The following BTBD16 variants were observed in gnomAD, a reference collection of about 807,000 sequenced individuals.
BTBD16 encodes the protein BTB/POZ domain-containing protein 16.
Under a neutral mutation model 67.4 loss-of-function variants are expected in BTBD16, and 66 were observed. The observed-to-expected ratio is 0.98, with a 90% CI of 0.80 to 1.20. The LOEUF (loss-of-function observed/expected upper bound fraction) is 1.20. Ranked by LOEUF, BTBD16 falls within the 50% of genes most tolerant of loss-of-function variation. BTBD16 has a pLI of 0.00. For synonymous variants in BTBD16, 242 were observed against 236.4 expected (o/e 1.02, Z -0.22); for missense variants, 634 against 616.0 (o/e 1.03, Z -0.31).
rs755538728 is a variant in BTBD16, at chr10:122,336,579, A to C, written c.1349A>C (p.Tyr450Ser). 1 of 1,613,236 alleles carries C rather than the reference A, an allele frequency of 6.2e-7. No homozygotes were observed. Among genetic ancestry groups the C allele is most frequent in the Non-Finnish European group, 8.5e-7 (1 of 1,179,838 alleles). The stretch of plus-strand genomic sequence containing the variant: ...CTGCGAGCGGCACGCCTGGTGAAGT[A>C]TGAGATCAGAGCAGAGGCCCTGGTT... ...VSLRAARLVK[Y>S]EIRAEALVDG... is the part of the protein sequence containing the mutation. Residue 450 changes from tyrosine to serine, a missense_variant, in exon 15 of 16, where the codon TAT (tyrosine) becomes TCT (serine). Physicochemically the swap from Tyr to Ser is moderately radical, Grantham distance 144. Transcript: ENST00000260723.
intron 5 of BTBD16, among the ~76,000 whole-genome samples, chr10:122,287,127 G>T (rs539234307): frequency 2.6e-5 from 4 of 152,324 alleles, no homozygotes; most frequent in East Asian, 3.9e-4. Flanking sequence ...GCCCTTCCCC[G>T]CTGTGCAGGC....
chr10:122,307,331 G>T, intron 10 of BTBD16, 23 bp downstream of exon 10: 2 of 1,578,780 alleles, frequency 1.3e-6, no homozygotes, highest in Non-Finnish European at 1.7e-6. Flanking sequence ...AGTGTTGATT[G>T]ATGAAATACA....
At chr10:122,272,397 A>G (rs368963530) in intron 1 of BTBD16, among the ~76,000 whole-genome samples, 5 of 152,270 alleles carry the variant, frequency 3.3e-5, no homozygotes, top group East Asian at 3.9e-4. Context: ...GCTGGAGTGC[A>G]ATGGTGAGAG....
intron 9 of BTBD16, among the ~76,000 whole-genome samples, chr10:122,305,959 T>A (rs1369259511): frequency 6.6e-6 from 1 of 152,228 alleles, no homozygotes; most frequent in Non-Finnish European, 1.5e-5. Context: ...ATGGTGTATA[T>A]GTACCATGGT....
At chr10:122,337,762 A>G (rs2096465554) in intron 15 of BTBD16, among the ~76,000 whole-genome samples, 1 of 152,196 alleles carries the variant, frequency 6.6e-6, no homozygotes, top group Non-Finnish European at 1.5e-5. Context: ...GTTCAGGGTG[A>G]TGGTTACACA....
intron 1 of BTBD16, among the ~76,000 whole-genome samples, chr10:122,273,221 G>GATATATAT (rs71715395): frequency 0.012 from 1,583 of 129,406 alleles, 30 homozygotes; most frequent in African/African-American, 0.037. Flanking sequence ...GCAACACAAA[G>GATATATAT]ATATATATAT....
chr10:122,331,198 G>C lies in BTBD16; in HGVS notation c.1026G>C (p.Arg342=), dbSNP rs376082353. Residue 342 remains arginine, a synonymous_variant, in exon 12 of 16, where the codon CGG becomes CGC. Transcript: ENST00000260723. The stretch of plus-strand genomic sequence containing the variant: ...CAGGCAAGGATCTGGAGGTGCTGCG[G>C]CACCTTAACTTCTTCCCAGAGTCAT... ...ITKGKDLEVL[R]HLNFFPESWL... The C allele has an allele frequency of 1.9e-6, 3 of 1,612,858 alleles. No individual in the cohort carries two copies. The South Asian group carries it at 3.3e-5, about 18-fold the overall frequency.
At chr10:122,319,075 C>T (rs1312240774) in intron 10 of BTBD16, among the ~76,000 whole-genome samples, 8 of 152,182 alleles carry the variant, frequency 5.3e-5, no homozygotes, top group African/African-American at 1.4e-4. Context: ...TTTTTAAAAC[C>T]GGGTTGTTTT....
chr10:122,309,444 A>T (rs2096409634), intron 10 of BTBD16, among the ~76,000 whole-genome samples: 1 of 151,684 alleles, frequency 6.6e-6, no homozygotes, highest in Non-Finnish European at 1.5e-5. Context: ...TCCCAGGTTC[A>T]AGCAATTCTC....
chr10:122,285,010 T>C (rs2096360833), intron 4 of BTBD16, among the ~76,000 whole-genome samples: 1 of 152,116 alleles, frequency 6.6e-6, no homozygotes, highest in African/African-American at 2.4e-5. Flanking sequence ...AATGTAATAT[T>C]TGAGATGCAA....
intron 3 of BTBD16, among the ~76,000 whole-genome samples, chr10:122,279,399 A>G (rs1481531389): frequency 1.3e-5 from 2 of 151,834 alleles, no homozygotes; most frequent in Non-Finnish European, 2.9e-5. Context: ...GGATCACTTG[A>G]GCCAAGGAGA....
chr10:122,286,324 T>C, intron 5 of BTBD16, 76 bp downstream of exon 5: 1 of 1,517,808 alleles, frequency 6.6e-7, no homozygotes, highest in Non-Finnish European at 8.8e-7. Context: ...AACATGGTTA[T>C]CTGTTTTGAG....
chr10:122,286,300 C>G, intron 5 of BTBD16, 52 bp downstream of exon 5: 1 of 1,548,404 alleles, frequency 6.5e-7, no homozygotes, highest in Non-Finnish European at 8.7e-7. Context: ...TCTAGCTTGA[C>G]GGTCCCAGCT....
At chr10:122,317,654 C>T in intron 10 of BTBD16, among the ~76,000 whole-genome samples, 1 of 108,480 alleles carries the variant, frequency 9.2e-6, no homozygotes, top group Non-Finnish European at 1.9e-5. Context: ...CTCAAAAAAA[C>T]ACAAAAAAAC....
At chr10:122,334,450 C>T (rs553025521) in intron 13 of BTBD16, among the ~76,000 whole-genome samples, 1 of 147,554 alleles carries the variant, frequency 6.8e-6, no homozygotes, top group South Asian at 2.1e-4. Context: ...CCGCCTCAGC[C>T]TCCCAAAGTG....
intron 14 of BTBD16, among the ~76,000 whole-genome samples, chr10:122,335,983 A>C: frequency 6.6e-6 from 1 of 152,326 alleles, no homozygotes; most frequent in African/African-American, 2.4e-5. Flanking sequence ...TGACTGACTG[A>C]ATAAATGAAT....
chr10:122,336,535 C>T lies in BTBD16; in HGVS notation c.1305C>T (p.Tyr435=), dbSNP rs754279555. The part of the protein sequence containing the change: ...HTDLESPSAV[Y]EHNHVSLRAA... The stretch of plus-strand genomic sequence containing the variant: ...ACCTGGAATCTCCCTCTGCGGTCTA[C>T]GAGCACAACCACGTCAGCCTGCGAG... The change falls in exon 15 of 16, where the codon TAC becomes TAT. Residue 435 remains tyrosine, a synonymous_variant. Coordinates refer to ENST00000260723, the MANE Select transcript of BTBD16 (RefSeq NM_144587.5). The T allele has an allele frequency of 3.2e-5, 52 of 1,612,050 alleles. No homozygotes were observed. Among genetic ancestry groups the T allele is most frequent in the Admixed American group, 2.9e-4 (17 of 59,354 alleles).
chr10:122,298,439 C>G (rs1051300297), intron 8 of BTBD16, among the ~76,000 whole-genome samples: 3 of 152,204 alleles, frequency 2.0e-5, no homozygotes, highest in Non-Finnish European at 4.4e-5. Context: ...CAGCATTTCT[C>G]AGCAATGCTT....
chr10:122,320,245 T>C (rs2142115724), intron 10 of BTBD16, among the ~76,000 whole-genome samples: 1 of 152,272 alleles, frequency 6.6e-6, no homozygotes, highest in African/African-American at 2.4e-5. Context: ...TCAGAAGTGG[T>C]GAGAGAGTGG....
Sources: allele counts gnomAD v4.1 joint callset (sites outside exome capture counted in the v4.1 genomes callset), GRCh38; gene constraint gnomAD v4.1.1; transcripts MANE v1.5; gene names NCBI Gene and HGNC (gene_info 2026-07-23, HGNC 2026-07-21).